HSPA5: variants seen among roughly 807,000 people sequenced by gnomAD.
HSPA5 encodes endoplasmic reticulum chaperone BiP.
In HSPA5, 16 loss-of-function variants were observed where a neutral mutation model predicts 49.5. The ratio of observed to expected loss-of-function variants is 0.32; its 90% confidence interval spans 0.22 to 0.49. HSPA5 has a LOEUF of 0.49. Among genes scored for constraint, HSPA5 ranks in the 20% least tolerant of loss-of-function variants. The pLI, the probability that HSPA5 is intolerant of heterozygous loss-of-function variation, is 0.99. For synonymous variants in HSPA5, 271 were observed against 307.2 expected (o/e 0.88, Z 1.23); for missense variants, 376 against 819.0 (o/e 0.46, Z 6.60).
Position 125,241,170 on chromosome 9 carries a change from C to T in HSPA5, c.-44G>A, listed in dbSNP as rs1832560832. 1 of 1,590,158 alleles carries T rather than the reference C, an allele frequency of 6.3e-7. No individual in the cohort carries two copies. The highest frequency in any genetic ancestry group is 8.5e-7 in the Non-Finnish European group (1 of 1,170,432). On this transcript the variant is annotated 5_prime_UTR_variant, in exon 1 of 8. Transcript: ENST00000324460. ...AGCAGCAGGCAGTCCAGCCACAGGC[C>T]GTAGCACAGGAGCACAGCGCAATTT...
Position 125,238,805 on chromosome 9 carries a change from T to G in HSPA5, c.1019A>C (p.Lys340Thr), listed in dbSNP as rs779884716. 2 of 1,614,168 alleles carry G rather than the reference T, an allele frequency of 1.2e-6. No homozygotes were observed. Among genetic ancestry groups the G allele is most frequent in the East Asian group, 4.5e-5 (2 of 44,892 alleles). Residue 340 changes from lysine to threonine, a missense_variant, in exon 6 of 8, where the codon AAG (lysine) becomes ACG (threonine). Physicochemically the swap from Lys to Thr is moderately conservative, Grantham distance 78. Coordinates refer to ENST00000324460, the MANE Select transcript of HSPA5 (RefSeq NM_005347.5). ...ATCTTCCAACACTTTCTGGACGGGC[T>G]TCATAGTAGACCGGAACAGATCCTA... ...LNMDLFRSTM[K>T]PVQKVLEDSD... is the part of the protein sequence containing the mutation.
chr9:125,240,795 C>G lies in HSPA5; in HGVS notation c.235G>C (p.Ala79Pro). The G allele has an allele frequency of 6.2e-7, 1 of 1,614,248 alleles. No homozygotes were observed. Residue 79 changes from alanine (A) to proline (P), a missense_variant, in exon 2 of 8, where the codon GCC becomes CCC. Around this residue, in one of 8 missense-constraint regions of HSPA5, gnomAD observed 89 missense variants for 200.0 expected, o/e 0.44. Coordinates refer to ENST00000324460, the MANE Select transcript of HSPA5 (RefSeq NM_005347.5). This position sits in a 1 kb window ranked among gnomAD's most constrained non-coding sequence, Gnocchi z 4.4. ...TPEGERLIGDAAKNQLTSNPE... is the reference protein window; with the variant it reads ...TPEGERLIGDPAKNQLTSNPE... Reference sequence around the variant, plus strand: ...TTGGAGGTGAGCTGGTTCTTGGCGGCATCGCCAATCAGACGTTCCCCTTCA... The same window carrying G: ...TTGGAGGTGAGCTGGTTCTTGGCGGGATCGCCAATCAGACGTTCCCCTTCA...
Position 125,236,675 on chromosome 9 carries a change from G to C in HSPA5, c.1882C>G (p.Gln628Glu). 2.5e-6 allele frequency: 4 copies of C among 1,613,688 alleles called. No individual in the cohort carries two copies. The highest frequency in any genetic ancestry group is 2.5e-6 in the Non-Finnish European group (3 of 1,179,720). Residue 628 changes from glutamine to glutamate, a missense_variant, in exon 8 of 8, where the codon CAA becomes GAA. Physicochemically the swap from Gln to Glu is conservative, Grantham distance 29. Coordinates refer to ENST00000324460, the MANE Select transcript of HSPA5 (RefSeq NM_005347.5). Reference sequence around the variant, plus strand: ...CCATAGAGTTTGCTGATAATTGGTTGAACAATTTCTTCCAGTTCCTTCTTC... The same window carrying C: ...CCATAGAGTTTGCTGATAATTGGTTCAACAATTTCTTCCAGTTCCTTCTTC... Reference protein sequence around the residue: ...AKKKELEEIVQPIISKLYGSA... With the variant: ...AKKKELEEIVEPIISKLYGSA...
Position 125,236,436 on chromosome 9 carries a change from G to C in HSPA5, c.*156C>G. 5.5e-6 allele frequency: 3 copies of C among 542,518 alleles called. No homozygotes were observed. The highest frequency in any genetic ancestry group is 3.7e-5 in the Admixed American group (1 of 26,694). 33.6% of individuals were successfully genotyped at this position (542,518 alleles called of 1,614,324 possible). A position where few individuals can be genotyped will look rare whatever the true frequency, so the allele number is the denominator to read the frequency against. ...CAAAGACATGTGAGCAACTGCTAATGAAAAGCAGTAAACAGCCGCTTAGGC... is the reference window on the plus strand; with the variant it reads ...CAAAGACATGTGAGCAACTGCTAATCAAAAGCAGTAAACAGCCGCTTAGGC... On this transcript the variant is annotated 3_prime_UTR_variant, in exon 8 of 8. Coordinates refer to ENST00000324460, the MANE Select transcript of HSPA5 (RefSeq NM_005347.5).
rs1406195801 is a variant in HSPA5, at chr9:125,235,654, T to C, written c.*938A>G. On this transcript the variant is annotated 3_prime_UTR_variant, in exon 8 of 8. Coordinates refer to ENST00000324460, the MANE Select transcript of HSPA5 (RefSeq NM_005347.5). ...GTAGTTTCAATGTCACCATCCAAGA[T>C]CCCACCCCAGTACCACTAATGAGAA... 6.6e-6 allele frequency: 1 copy of C among 151,970 alleles called. No individual in the cohort carries two copies. Among genetic ancestry groups the C allele is most frequent in the Non-Finnish European group, 1.5e-5 (1 of 68,016 alleles). 9.4% of individuals were successfully genotyped at this position (151,970 alleles called of 1,614,324 possible). A position where few individuals can be genotyped will look rare whatever the true frequency, so the allele number is the denominator to read the frequency against.
In HSPA5 at chr9:125,236,635, G is replaced by A. The variant is rs1832499981; in HGVS notation, c.1922C>T (p.Pro641Leu). ...ISKLYGSAGPPPTGEEDTAEK... is the reference protein window; with the variant it reads ...ISKLYGSAGPLPTGEEDTAEK... ...TGCTGTATCCTCTTCACCAGTTGGGGGAGGGCCTGCACTTCCATAGAGTTT... is the reference window on the plus strand; with the variant it reads ...TGCTGTATCCTCTTCACCAGTTGGGAGAGGGCCTGCACTTCCATAGAGTTT... Residue 641 changes from proline (P) to leucine (L), a missense_variant, in exon 8 of 8, where the codon CCC becomes CTC. Transcript: ENST00000324460. 6 of 1,611,280 alleles carry A rather than the reference G, an allele frequency of 3.7e-6. No individual in the cohort carries two copies. Among genetic ancestry groups the A allele is most frequent in the Non-Finnish European group, 5.1e-6 (6 of 1,179,080 alleles).
In HSPA5 at chr9:125,235,391, GGA is replaced by G. The variant is rs1223228763; in HGVS notation, c.*1199_*1200del. 2 of 151,816 alleles carry G rather than the reference GGA, an allele frequency of 1.3e-5. No homozygotes were observed. The highest frequency in any genetic ancestry group is 2.9e-5 in the Non-Finnish European group (2 of 68,004). The allele number at this position is 151,816 out of a possible 1,614,324, so 9.4% of individuals were successfully genotyped here. A position where few individuals can be genotyped will look rare whatever the true frequency, so the allele number is the denominator to read the frequency against. On this transcript the variant is annotated 3_prime_UTR_variant, in exon 8 of 8. Transcript: ENST00000324460. ...TAATTTTTGTATTTTCAGTAGAGAT[GGA>G]GTTTCACCATGTTGGCAAAGATGGT...
In HSPA5 at chr9:125,240,199, T is replaced by G. The variant is rs760769294; in HGVS notation, c.465A>C (p.Glu155Asp). The G allele has an allele frequency of 6.2e-7, 1 of 1,605,616 alleles. No individual in the cohort carries two copies. The highest frequency in any genetic ancestry group is 1.3e-5 in the African/African-American group (1 of 74,392). The stretch of plus-strand genomic sequence containing the variant: ...TCTTTCCCAAATAAGCCTCAGCGGT[T>G]TCTTTCATTTTAGTGAGAACCATGG... Reference protein sequence around the residue: ...ISAMVLTKMKETAEAYLGKKV... With the variant: ...ISAMVLTKMKDTAEAYLGKKV... The change falls in exon 3 of 8, where the codon GAA (glutamate) becomes GAC (aspartate). Residue 155 changes from glutamate to aspartate, a missense_variant. Glu to Asp is a conservative substitution (Grantham distance 45, BLOSUM62 2). Transcript: ENST00000324460. This position sits in a 1 kb window ranked among gnomAD's most constrained non-coding sequence, Gnocchi z 4.4.
In HSPA5 at chr9:125,236,581, C is replaced by G. The variant is rs1832499044; in HGVS notation, c.*11G>C. ...AGTATTTACAATATTACAGCACTAG[C>G]AGATCAGTGTCTACAACTCATCTTT... On this transcript the variant is annotated 3_prime_UTR_variant, in exon 8 of 8. Transcript: ENST00000324460. 6.5e-7 allele frequency: 1 copy of G among 1,540,252 alleles called. No homozygotes were observed. The highest frequency in any genetic ancestry group is 1.4e-5 in the African/African-American group (1 of 71,934).
rs1438921039 is a variant in HSPA5 at position 125,240,049 on chromosome 9, G to A, written c.492+123C>T. On this transcript the variant is annotated intron_variant, in intron 3 of 7. Coordinates refer to ENST00000324460, the MANE Select transcript of HSPA5 (RefSeq NM_005347.5). This position sits in a 1 kb window ranked among gnomAD's most constrained non-coding sequence, Gnocchi z 4.4. Reference sequence around the variant, plus strand: ...AGTAAGGGACTCAATAATTAAACCTGACAAGCATGAATACCATTCTGATTA... The same window carrying A: ...AGTAAGGGACTCAATAATTAAACCTAACAAGCATGAATACCATTCTGATTA... 1 of 638,438 alleles carries A rather than the reference G, an allele frequency of 1.6e-6. No individual in the cohort carries two copies. Among genetic ancestry groups the A allele is most frequent in the Non-Finnish European group, 2.6e-6 (1 of 378,984 alleles). The allele number at this position is 638,438 out of a possible 1,614,324, so 39.5% of individuals were successfully genotyped here. A position where few individuals can be genotyped will look rare whatever the true frequency, so the allele number is the denominator to read the frequency against.
In HSPA5 at chr9:125,234,923, G is replaced by C. The variant is rs940770898; in HGVS notation, c.*1669C>G. On this transcript the variant is annotated 3_prime_UTR_variant, in exon 8 of 8. Transcript: ENST00000324460. ...GTTACAGACTAGGTGGTCCACGGTA[G>C]TGAGAGCCTTTGAGGTAAGGGAAGA... 1 of 152,118 alleles carries C rather than the reference G, an allele frequency of 6.6e-6. No individual in the cohort carries two copies. Among genetic ancestry groups the C allele is most frequent in the Non-Finnish European group, 1.5e-5 (1 of 68,034 alleles). 9.4% of individuals were successfully genotyped at this position (152,118 alleles called of 1,614,324 possible).
chr9:125,236,378 T>C lies in HSPA5; in HGVS notation c.*214A>G. 2.1e-6 allele frequency: 1 copy of C among 481,658 alleles called. No individual in the cohort carries two copies. Among genetic ancestry groups the C allele is most frequent in the South Asian group, 4.2e-5 (1 of 24,048 alleles). The allele number at this position is 481,658 out of a possible 1,614,324, so 29.8% of individuals were successfully genotyped here. A position where few individuals can be genotyped will look rare whatever the true frequency, so the allele number is the denominator to read the frequency against. On this transcript the variant is annotated 3_prime_UTR_variant, in exon 8 of 8. Coordinates refer to ENST00000324460, the MANE Select transcript of HSPA5 (RefSeq NM_005347.5). Reference sequence around the variant, plus strand: ...CTAACCCAGGTTTTTTACCCGCTTTTTAAGATGGCCAATTCTTCTTCTCCC... The same window carrying C: ...CTAACCCAGGTTTTTTACCCGCTTTCTAAGATGGCCAATTCTTCTTCTCCC...
At chr9:125,237,180 G>C in intron 7 of HSPA5, 26 bp from the exon 8 acceptor site, 3 of 1,531,642 alleles carry the variant, frequency 2.0e-6, no homozygotes, top group Non-Finnish European at 1.8e-6. Context: ...AGAAAAACTT[G>C]TTAGTTGTTA....
At chr9:125,238,093 C>G in intron 7 of HSPA5, 48 bp downstream of exon 7, 6 of 1,469,500 alleles carry the variant, frequency 4.1e-6, no homozygotes, top group Non-Finnish European at 5.7e-6. Context: ...CAGAGCAAGA[C>G]TTCATCTCAA....
chr9:125,240,029 G>A lies in HSPA5; in HGVS notation c.492+143C>T. ...GTCTATTTTGTTTGGCTTATAGTAAGGGACTCAATAATTAAACCTGACAAG... is the reference window on the plus strand; with the variant it reads ...GTCTATTTTGTTTGGCTTATAGTAAAGGACTCAATAATTAAACCTGACAAG... On this transcript the variant is annotated intron_variant, in intron 3 of 7. Coordinates refer to ENST00000324460, the MANE Select transcript of HSPA5 (RefSeq NM_005347.5). The surrounding 1 kb of genome is among the most constrained non-coding windows in gnomAD (Gnocchi z 4.4). 2 of 555,968 alleles carry A rather than the reference G, an allele frequency of 3.6e-6. No homozygotes were observed. Among genetic ancestry groups the A allele is most frequent in the Admixed American group, 3.4e-5 (1 of 29,218 alleles). 34.4% of individuals were successfully genotyped at this position (555,968 alleles called of 1,614,324 possible). A position where few individuals can be genotyped will look rare whatever the true frequency, so the allele number is the denominator to read the frequency against.
rs769310623 is a variant in HSPA5, at chr9:125,240,127, T to C, written c.492+45A>G. ...TCTATACATAACAGCCAACCGAGAA[T>C]ACTAATGATCAAAAAATACTTAACA... On this transcript the variant is annotated intron_variant, in intron 3 of 7. Transcript: ENST00000324460. This position sits in a 1 kb window ranked among gnomAD's most constrained non-coding sequence, Gnocchi z 4.4. The C allele has an allele frequency of 2.0e-6, 3 of 1,507,668 alleles. No homozygotes were observed. The highest frequency in any genetic ancestry group is 2.7e-6 in the Non-Finnish European group (3 of 1,107,172). The allele number at this position is 1,507,668 out of a possible 1,614,324, so 93.4% of individuals were successfully genotyped here.
Position 125,240,443 on chromosome 9 carries a change from G to A in HSPA5, c.355-134C>T. Reference sequence around the variant, plus strand: ...AAATTGACTAGAAATACTTCAGGGAGTATAGGTGTCTTACAAAGTTCAGTT... The same window carrying A: ...AAATTGACTAGAAATACTTCAGGGAATATAGGTGTCTTACAAAGTTCAGTT... On this transcript the variant is annotated intron_variant, in intron 2 of 7. Coordinates refer to ENST00000324460, the MANE Select transcript of HSPA5 (RefSeq NM_005347.5). This position sits in a 1 kb window ranked among gnomAD's most constrained non-coding sequence, Gnocchi z 4.4. 1.3e-6 allele frequency: 1 copy of A among 796,876 alleles called. No individual in the cohort carries two copies. The highest frequency in any genetic ancestry group is 2.0e-6 in the Non-Finnish European group (1 of 499,782). The allele number at this position is 796,876 out of a possible 1,614,324, so 49.4% of individuals were successfully genotyped here. A position where few individuals can be genotyped will look rare whatever the true frequency, so the allele number is the denominator to read the frequency against.
rs1384841821 is a variant in HSPA5, at chr9:125,236,678, C to A, written c.1879G>T (p.Val627Phe). ...TAGAGTTTGCTGATAATTGGTTGAA[C>A]AATTTCTTCCAGTTCCTTCTTCTTA... is the stretch of plus-strand genomic sequence containing the variant. ...KAKKKELEEIVQPIISKLYGS... is the reference protein window; with the variant it reads ...KAKKKELEEIFQPIISKLYGS... Residue 627 changes from valine (V) to phenylalanine (F), a missense_variant, in exon 8 of 8, where the codon GTT (valine) becomes TTT (phenylalanine). Physicochemically the swap from Val to Phe is conservative, Grantham distance 50. This residue lies in a region of HSPA5 where 72 missense variants were observed against 87.8 expected (regional missense o/e 0.82). Coordinates refer to ENST00000324460, the MANE Select transcript of HSPA5 (RefSeq NM_005347.5). The A allele has an allele frequency of 1.2e-6, 2 of 1,613,752 alleles. No individual in the cohort carries two copies. Among genetic ancestry groups the A allele is most frequent in the South Asian group, 2.2e-5 (2 of 91,020 alleles).
chr9:125,238,811 G>C lies in HSPA5; in HGVS notation c.1013C>G (p.Thr338Ser). The change falls in exon 6 of 8, where the codon ACT (threonine) becomes AGT (serine). Residue 338 changes from threonine to serine, a missense_variant. Thr to Ser is a moderately conservative substitution (Grantham distance 58). Transcript: ENST00000324460. Reference protein sequence around the residue: ...EELNMDLFRSTMKPVQKVLED... With the variant: ...EELNMDLFRSSMKPVQKVLED... ...CAACACTTTCTGGACGGGCTTCATA[G>C]TAGACCGGAACAGATCCTAGAAAAA... 1.9e-6 allele frequency: 3 copies of C among 1,614,086 alleles called. No homozygotes were observed. The South Asian group carries it at 3.3e-5, about 18-fold the overall frequency.
Sources: allele counts gnomAD v4.1 joint callset, GRCh38; gene constraint gnomAD v4.1.1; regional missense constraint gnomAD v4.1.1; non-coding constraint Gnocchi (gnomAD v3.1); transcripts MANE v1.5; gene names NCBI Gene and HGNC (gene_info 2026-07-23, HGNC 2026-07-21).